SYNM: variants seen among roughly 807,000 people sequenced by gnomAD.
SYNM encodes the protein desmuslin.
SYNM carries 95 observed loss-of-function variants against 104.0 expected under a neutral mutation model. That is an observed-to-expected ratio of 0.91 (90% CI 0.77 to 1.08). The LOEUF is 1.08. Ranked by LOEUF, SYNM falls within the 50% of genes least tolerant of loss-of-function variation. SYNM has a pLI of 0.00. For missense variants in SYNM, 2,150 were observed against 2,052.2 expected (o/e 1.05, Z -0.92); for synonymous variants, 918 against 869.0 (o/e 1.06, Z -0.99).
rs1555482641 is a variant in SYNM, at chr15:99,105,877, G to A, written c.678G>A (p.Glu226=). 23 of 1,541,114 alleles carry A rather than the reference G, an allele frequency of 1.5e-5. No homozygotes were observed. Among genetic ancestry groups the A allele is most frequent in the Non-Finnish European group, 2.0e-5 (23 of 1,146,386 alleles). ...AGAGCAGACTCCAGGCGGAGGAAGAGACGCGGCTGTGCGCGCAGGAGGCAG... is the reference window on the plus strand; with the variant it reads ...AGAGCAGACTCCAGGCGGAGGAAGAAACGCGGCTGTGCGCGCAGGAGGCAG... ...GQESRLQAEE[E]TRLCAQEAEA... is the part of the protein sequence containing the mutation. The change falls in exon 1 of 4, where the codon GAG becomes GAA. Residue 226 remains glutamate (E), a synonymous_variant. Transcript: ENST00000336292.
Position 99,130,652 on chromosome 15 carries a change from T to C in SYNM, c.2292T>C (p.Phe764=), listed in dbSNP as rs1555485650. 2 of 1,613,704 alleles carry C rather than the reference T, an allele frequency of 1.2e-6. No homozygotes were observed. Among genetic ancestry groups the C allele is most frequent in the South Asian group, 2.2e-5 (2 of 91,026 alleles). ...SYVSGEKPEE[F]SVPFKVEEVE... The stretch of plus-strand genomic sequence containing the variant: ...TCAGCGGGGAGAAGCCGGAGGAGTT[T>C]TCCGTCCCATTCAAAGTGGAGGAGG... The change falls in exon 4 of 4, where the codon TTT becomes TTC. Residue 764 remains phenylalanine, a synonymous_variant. Coordinates refer to ENST00000336292, the MANE Select transcript of SYNM (RefSeq NM_145728.3).
In SYNM at chr15:99,129,632, C is replaced by T. The variant is rs782430487; in HGVS notation, c.1272C>T (p.Asn424=). 3.2e-5 allele frequency: 51 copies of T among 1,613,958 alleles called. No individual in the cohort carries two copies. The highest frequency in any genetic ancestry group is 5.3e-5 in the African/African-American group (4 of 75,046). ...SYGKAVSSQT[N]VRTFSPTYGL... is the part of the protein sequence containing the mutation. Reference sequence around the variant, plus strand: ...GAAAAGCCGTCAGCAGTCAAACCAACGTCAGAACTTTCTCTCCAACCTATG... The same window carrying T: ...GAAAAGCCGTCAGCAGTCAAACCAATGTCAGAACTTTCTCTCCAACCTATG... The change falls in exon 4 of 4, where the codon AAC becomes AAT. Residue 424 remains asparagine, a synonymous_variant. Transcript: ENST00000336292.
rs1415243028 is a variant in SYNM at position 99,135,390 on chromosome 15, A to G, written c.*2332A>G. On this transcript the variant is annotated 3_prime_UTR_variant, in exon 4 of 4. Coordinates refer to ENST00000336292, the MANE Select transcript of SYNM (RefSeq NM_145728.3). ...GGTTGGATGGGGCCGGAACACAACC[A>G]GTCTTTTTGTATTTATTGTTACTGA... is the stretch of plus-strand genomic sequence containing the variant. 2.0e-5 allele frequency: 3 copies of G among 152,588 alleles called. No individual in the cohort carries two copies. The highest frequency in any genetic ancestry group is 4.8e-5 in the African/African-American group (2 of 41,432). 9.5% of individuals were successfully genotyped at this position (152,588 alleles called of 1,614,324 possible).
Position 99,105,668 on chromosome 15 carries a change from G to A in SYNM, c.469G>A (p.Ala157Thr). The change falls in exon 1 of 4, where the codon GCG becomes ACG. Residue 157 changes from alanine to threonine, a missense_variant. Coordinates refer to ENST00000336292, the MANE Select transcript of SYNM (RefSeq NM_145728.3). ...CGAACGCGACGTGAGGGAGCTGCGC[G>A]CGCGCGCCGCCAGCCTTACCATGCA... ...AHERDVRELR[A>T]RAASLTMHFR... 7.0e-7 allele frequency: 1 copy of A among 1,420,866 alleles called. No individual in the cohort carries two copies. The highest frequency in any genetic ancestry group is 9.1e-7 in the Non-Finnish European group (1 of 1,095,422). 88.0% of individuals were successfully genotyped at this position (1,420,866 alleles called of 1,614,324 possible). A position where few individuals can be genotyped will look rare whatever the true frequency, so the allele number is the denominator to read the frequency against.
At chr15:99,139,252 C>T, downstream of SYNM, 2 of 1,582,498 alleles carry the variant, frequency 1.3e-6, no homozygotes, top group Non-Finnish European at 1.7e-6. Flanking sequence ...CTAGAACCAG[C>T]TTTCTCTTGA....
In SYNM at chr15:99,130,698, C is replaced by T; in HGVS notation, c.2338C>T (p.Pro780Ser). The T allele has an allele frequency of 6.2e-7, 1 of 1,613,816 alleles. No homozygotes were observed. Among genetic ancestry groups the T allele is most frequent in the Non-Finnish European group, 8.5e-7 (1 of 1,179,862 alleles). Residue 780 changes from proline (P) to serine (S), a missense_variant, in exon 4 of 4, where the codon CCC (proline) becomes TCC (serine). Pro to Ser is a moderately conservative substitution (Grantham distance 74). Coordinates refer to ENST00000336292, the MANE Select transcript of SYNM (RefSeq NM_145728.3). ...GGAGGTCGAAGATGTGTCGCCAGGC[C>T]CCTGGGGGTTGGTTAAGGAGGAGGA... ...VEEVEDVSPG[P>S]WGLVKEEEGY...
chr15:99,112,877 T>A (rs563588823), intron 1 of SYNM, among the ~76,000 whole-genome samples: 1 of 152,132 alleles, frequency 6.6e-6, no homozygotes, highest in Non-Finnish European at 1.5e-5. Context: ...TGCCCAGCTA[T>A]TTTTTGTATT....
Position 99,131,690 on chromosome 15 carries a change from C to T in SYNM, c.3330C>T (p.Gly1110=). ...CTGTGGAGGTCAGCAGCCCCACAGG[C>T]TTTGCCCAGTCACAGGTGCTGGAGG... ...SATVEVSSPT[G]FAQSQVLEDV... is the part of the protein sequence containing the mutation. Residue 1110 remains glycine, a synonymous_variant, in exon 4 of 4, where the codon GGC becomes GGT. Transcript: ENST00000336292. The surrounding 1 kb of genome is among the most constrained non-coding windows in gnomAD (Gnocchi z 4.3). 6.2e-7 allele frequency: 1 copy of T among 1,613,292 alleles called. No homozygotes were observed.
chr15:99,113,795 G>C (rs552649366), intron 2 of SYNM, 80 bp downstream of exon 2: 2 of 1,546,974 alleles, frequency 1.3e-6, no homozygotes, highest in Non-Finnish European at 1.7e-6. Context: ...TCTAGGGACC[G>C]TAGCCTTTGT....
In SYNM at chr15:99,105,149, C is replaced by A; in HGVS notation, c.-51C>A. The stretch of plus-strand genomic sequence containing the variant: ...CGGAGAGGACGAGACCGGGACAAGA[C>A]CAGGGCAGGAGGGAGCCGGCCAGCC... On this transcript the variant is annotated 5_prime_UTR_variant, in exon 1 of 4. Coordinates refer to ENST00000336292, the MANE Select transcript of SYNM (RefSeq NM_145728.3). 1 of 1,542,360 alleles carries A rather than the reference C, an allele frequency of 6.5e-7. No homozygotes were observed. The highest frequency in any genetic ancestry group is 1.2e-5 in the South Asian group (1 of 84,274).
chr15:99,119,987 C>T (rs1432881461), intron 2 of SYNM, among the ~76,000 whole-genome samples: 1 of 152,198 alleles, frequency 6.6e-6, no homozygotes, highest in African/African-American at 2.4e-5. Context: ...GGAGTGACAG[C>T]TGCCTTCTGT....
chr15:99,108,686 T>A (rs2067272087), intron 1 of SYNM, among the ~76,000 whole-genome samples: 2 of 152,112 alleles, frequency 1.3e-5, no homozygotes, highest in African/African-American at 4.8e-5. Context: ...TAAGCTCCAT[T>A]TTACAGAGGA....
chr15:99,132,224 G>A lies in SYNM; in HGVS notation c.3864G>A (p.Glu1288=), dbSNP rs1555486080. ...QFTAPLSDKV[E]LGVIGDSVHM... ...CAGCTCCACTTTCAGACAAGGTGGA[G>A]TTGGGTGTCATAGGAGATTCTGTAC... The change falls in exon 4 of 4, where the codon GAG becomes GAA. Residue 1288 remains glutamate, a synonymous_variant. Coordinates refer to ENST00000336292, the MANE Select transcript of SYNM (RefSeq NM_145728.3). 6.2e-7 allele frequency: 1 copy of A among 1,612,238 alleles called. No individual in the cohort carries two copies. Among genetic ancestry groups the A allele is most frequent in the African/African-American group, 1.3e-5 (1 of 74,826 alleles).
downstream of SYNM, chr15:99,139,093 C>G (rs1330562699): frequency 1.6e-6 from 1 of 639,986 alleles, no homozygotes; most frequent in African/African-American, 1.8e-5. Context: ...AAGACAACAT[C>G]CAGCATATAT....
At position 99,134,590 on chromosome 15, in the gene SYNM, A is replaced by G. The variant is rs1555486438; in HGVS notation, c.*1532A>G. On this transcript the variant is annotated 3_prime_UTR_variant, in exon 4 of 4. Transcript: ENST00000336292. Reference sequence around the variant, plus strand: ...GGGAATAACAGTCTGAGCTAGCACCACCCTCAGCCAGGCTACAACGACAGC... The same window carrying G: ...GGGAATAACAGTCTGAGCTAGCACCGCCCTCAGCCAGGCTACAACGACAGC... 6.6e-6 allele frequency: 1 copy of G among 152,070 alleles called. No individual in the cohort carries two copies. Among genetic ancestry groups the G allele is most frequent in the Non-Finnish European group, 1.5e-5 (1 of 68,032 alleles). 9.4% of individuals were successfully genotyped at this position (152,070 alleles called of 1,614,324 possible).
downstream of SYNM, chr15:99,139,267 C>A: frequency 6.3e-7 from 1 of 1,591,652 alleles, no homozygotes; most frequent in Non-Finnish European, 8.5e-7. Flanking sequence ...TCTTGAGATT[C>A]TGAATGGAAA....
downstream of SYNM, chr15:99,139,279 G>A (rs782119151): frequency 6.3e-7 from 1 of 1,587,330 alleles, no homozygotes; most frequent in Non-Finnish European, 8.5e-7. Flanking sequence ...GAATGGAAAG[G>A]GAATGAGATA....
In SYNM at chr15:99,131,829, G is replaced by C; in HGVS notation, c.3469G>C (p.Asp1157His). 1 of 1,613,892 alleles carries C rather than the reference G, an allele frequency of 6.2e-7. No homozygotes were observed. The highest frequency in any genetic ancestry group is 8.5e-7 in the Non-Finnish European group (1 of 1,179,906). The part of the protein sequence containing the change: ...AEVVEVSAGG[D>H]LSQAASPTGA... ...AGTGGTGGAGGTAAGTGCGGGAGGT[G>C]ACCTAAGTCAGGCAGCGAGCCCGAC... Residue 1157 changes from aspartate (D) to histidine (H), a missense_variant, in exon 4 of 4, where the codon GAC becomes CAC. Asp to His is a moderately conservative substitution (Grantham distance 81, BLOSUM62 -1). Transcript: ENST00000336292. The surrounding 1 kb of genome is among the most constrained non-coding windows in gnomAD (Gnocchi z 4.3).
chr15:99,139,313 T>G (rs782601808), downstream of SYNM: 1 of 1,611,862 alleles, frequency 6.2e-7, no homozygotes, highest in Non-Finnish European at 8.5e-7. Context: ...GGACGCCAAC[T>G]CACGTGGACA....
Sources: allele counts gnomAD v4.1 joint callset (sites outside exome capture counted in the v4.1 genomes callset), GRCh38; gene constraint gnomAD v4.1.1; non-coding constraint Gnocchi (gnomAD v3.1); transcripts MANE v1.5; gene names NCBI Gene and HGNC (gene_info 2026-07-23, HGNC 2026-07-21).